Variants in COL23A1 observed in about 807,000 individuals in gnomAD.
COL23A1 encodes collagen type XXIII alpha 1 chain.
COL23A1 carries 97 observed loss-of-function variants against 99.3 expected under a neutral mutation model. The ratio of observed to expected loss-of-function variants is 0.98; its 90% confidence interval spans 0.83 to 1.16. The LOEUF (loss-of-function observed/expected upper bound fraction) is 1.16, where lower values mean the gene tolerates loss of function less well. Ranked by LOEUF, COL23A1 falls within the 50% of genes most tolerant of loss-of-function variation. The pLI is 0.00. For synonymous variants in COL23A1, 320 were observed against 308.2 expected, an observed-to-expected ratio of 1.04 and a Z score of -0.40; for missense variants, 762 against 757.4, an observed-to-expected ratio of 1.01 and a Z score of -0.07.
At chr5:178,501,973 TAAG>T (rs1026549045) in intron 2 of COL23A1, among the ~76,000 whole-genome samples, 1 of 152,194 alleles carries the variant, frequency 6.6e-6, no homozygotes, top group African/African-American at 2.4e-5. Context: ...AGAAGGGCAC[TAAG>T]AAGGTGTCAA....
intron 20 of COL23A1, 147 bp from the exon 21 acceptor site, chr5:178,247,978 G>A (rs1210648472): frequency 3.9e-6 from 3 of 772,786 alleles, no homozygotes; most frequent in Admixed American, 2.8e-5. Context: ...GCTGGTCTGC[G>A]GAGCTTATAG....
intron 2 of COL23A1, among the ~76,000 whole-genome samples, chr5:178,557,008 G>C (rs182861374): frequency 6.6e-6 from 1 of 152,192 alleles, no homozygotes; most frequent in East Asian, 1.9e-4. Flanking sequence ...TAAGACACAG[G>C]TCTGCCGTGG....
At position 178,256,876 on chromosome 5, in the gene COL23A1, G is replaced by T. The variant is rs747169820; in HGVS notation, c.827C>A (p.Pro276Gln). 4 of 1,613,014 alleles carry T rather than the reference G, an allele frequency of 2.5e-6. No homozygotes were observed. The highest frequency in any genetic ancestry group is 3.3e-5 in the Admixed American group (2 of 59,936). ...PRGENGVDGA[P>Q]GPKGEPGHRG... ...GAGCTCTCATGTCACCTTCGGTCCT[G>T]GGGCACCGTCCACACCGTTCTCTCC... The change falls in exon 14 of 29, where the codon CCA (proline) becomes CAA (glutamine). Residue 276 changes from proline to glutamine, a missense_variant. Pro to Gln is a moderately conservative substitution (Grantham distance 76). Coordinates refer to ENST00000390654, the MANE Select transcript of COL23A1 (RefSeq NM_173465.4).
intron 2 of COL23A1, among the ~76,000 whole-genome samples, chr5:178,560,069 G>A (rs1762481515): frequency 6.6e-6 from 1 of 152,222 alleles, no homozygotes; most frequent in Admixed American, 6.5e-5. Context: ...GCTCCCCTGA[G>A]GACACCCAGG....
Position 178,470,138 on chromosome 5 carries a change from G to A in COL23A1, c.361+90544C>T, listed in dbSNP as rs533733505. Reference sequence around the variant, plus strand: ...ACATCTGCCTAACAGAGCAGCTGGCGGGCTAAACACATAAATTAATGCAAA... The same window carrying A: ...ACATCTGCCTAACAGAGCAGCTGGCAGGCTAAACACATAAATTAATGCAAA... On this transcript the variant is annotated intron_variant, in intron 2 of 28. Coordinates refer to ENST00000390654, the MANE Select transcript of COL23A1 (RefSeq NM_173465.4). Among the ~76,000 whole-genome samples, 225 of 152,294 alleles carry A rather than the reference G, an allele frequency of 1.5e-3. 1 individual carries two copies. The highest frequency in any genetic ancestry group is 1.1e-3 in the Non-Finnish European group (76 of 68,036).
At chr5:178,362,271 G>C (rs538374686) in intron 2 of COL23A1, among the ~76,000 whole-genome samples, 11 of 152,252 alleles carry the variant, frequency 7.2e-5, no homozygotes, top group Non-Finnish European at 1.5e-4. Flanking sequence ...TGAGTTTGGA[G>C]CCAGGCGGCT....
At chr5:178,425,280 G>T (rs931117019) in intron 2 of COL23A1, among the ~76,000 whole-genome samples, 10 of 151,850 alleles carry the variant, frequency 6.6e-5, no homozygotes, top group Admixed American at 3.3e-4. Context: ...AAATTAGCCG[G>T]GCATGGTAAC....
chr5:178,578,733 C>T (rs1054089395), intron 1 of COL23A1, among the ~76,000 whole-genome samples: 1 of 140,752 alleles, frequency 7.1e-6, no homozygotes, highest in African/African-American at 2.7e-5. Flanking sequence ...CAGTGTGAAG[C>T]GAAGCAGATG....
intron 25 of COL23A1, among the ~76,000 whole-genome samples, chr5:178,245,134 C>CCG (rs1283463476): frequency 9.0e-4 from 133 of 147,534 alleles, no homozygotes; most frequent in African/African-American, 2.9e-3. Context: ...CATCCATCCA[C>CCG]TCATCATCTA....
chr5:178,358,257 T>G (rs1044334466), intron 2 of COL23A1, among the ~76,000 whole-genome samples: 4 of 142,404 alleles, frequency 2.8e-5, no homozygotes, highest in Non-Finnish European at 6.2e-5. Flanking sequence ...TGTGTGTGTA[T>G]GTATATGTGT....
chr5:178,244,236 G>T (rs112716355), intron 25 of COL23A1, among the ~76,000 whole-genome samples: 3 of 151,262 alleles, frequency 2.0e-5, no homozygotes, highest in Admixed American at 1.3e-4. Flanking sequence ...TGATCCACCC[G>T]CCTCGGCTTC....
chr5:178,420,922 C>T (rs1581357902), intron 2 of COL23A1, among the ~76,000 whole-genome samples: 1 of 151,808 alleles, frequency 6.6e-6, no homozygotes. Flanking sequence ...GGAAAACCCT[C>T]ATGGAAGCAG....
intron 2 of COL23A1, among the ~76,000 whole-genome samples, chr5:178,358,519 GTA>G (rs1241429857): frequency 2.2e-5 from 3 of 136,118 alleles, no homozygotes; most frequent in Non-Finnish European, 3.1e-5. Context: ...GTGTATGTGT[GTA>G]TGTATGTCTA....
chr5:178,456,509 A>T (rs1285206559), intron 2 of COL23A1, among the ~76,000 whole-genome samples: 2 of 152,082 alleles, frequency 1.3e-5, no homozygotes, highest in East Asian at 3.9e-4. Flanking sequence ...GACCAGCCTG[A>T]CCAACATGCA....
intron 20 of COL23A1, 86 bp downstream of exon 20, chr5:178,248,106 G>A (rs1764810858): frequency 1.0e-6 from 1 of 983,408 alleles, no homozygotes; most frequent in East Asian, 2.4e-5. Flanking sequence ...CTCAGGCCAG[G>A]TGGCCTTTTT....
intron 2 of COL23A1, among the ~76,000 whole-genome samples, chr5:178,419,663 A>G (rs552382388): frequency 6.6e-6 from 1 of 152,278 alleles, no homozygotes; most frequent in South Asian, 2.1e-4. Flanking sequence ...AAAGCAAACT[A>G]AATATGGCCT....
intron 2 of COL23A1, among the ~76,000 whole-genome samples, chr5:178,429,941 C>T (rs1444723513): frequency 6.6e-6 from 1 of 152,184 alleles, no homozygotes; most frequent in Non-Finnish European, 1.5e-5. Flanking sequence ...TCCCCACTGA[C>T]CGTGCCTTTC....
intron 2 of COL23A1, among the ~76,000 whole-genome samples, chr5:178,516,221 T>C (rs1759503875): frequency 6.6e-6 from 1 of 152,030 alleles, no homozygotes. Context: ...CCCTCTCCCC[T>C]CTGTTGTCTA....
chr5:178,577,457 A>T (rs1056492095), intron 1 of COL23A1, among the ~76,000 whole-genome samples: 2 of 152,144 alleles, frequency 1.3e-5, no homozygotes, highest in African/African-American at 4.8e-5. Flanking sequence ...AGCCCATGAC[A>T]CCGCCACCTC....
Sources: gnomAD v4.1 joint callset for allele counts (sites outside exome capture counted in the v4.1 genomes callset) on GRCh38, gnomAD v4.1.1 for gene constraint, MANE v1.5 for transcripts, NCBI Gene and HGNC (gene_info 2026-07-23, HGNC 2026-07-21) for gene names.